FYB2: variants seen among roughly 807,000 people sequenced by gnomAD.
The protein encoded by FYB2 is FYN binding protein 2, also known as FYN-binding protein 2.
In FYB2, 103 loss-of-function variants were observed where a neutral mutation model predicts 94.1. That is an observed-to-expected ratio of 1.09 (90% confidence interval 0.93 to 1.29). FYB2 has a LOEUF of 1.29. Ranked by LOEUF, FYB2 falls within the 50% of genes most tolerant of loss-of-function variation. The pLI is 0.00. For missense variants in FYB2, 896 were observed against 841.5 expected (o/e 1.06, Z -0.80); for synonymous variants, 293 against 287.9 (o/e 1.02, Z -0.18).
chr1:56,814,858 C>T (rs375220209), intron 1 of FYB2, among the ~76,000 whole-genome samples: 2 of 152,222 alleles, frequency 1.3e-5, no homozygotes, highest in East Asian at 1.9e-4. Flanking sequence ...TCCAAAATTG[C>T]TCTTGAAGCC....
intron 7 of FYB2, among the ~76,000 whole-genome samples, chr1:56,755,456 T>G (rs1188933683): frequency 6.6e-6 from 1 of 151,984 alleles, no homozygotes; most frequent in Non-Finnish European, 1.5e-5. Context: ...TAAATTGGGG[T>G]GAATCAATGA....
intron 1 of FYB2, among the ~76,000 whole-genome samples, chr1:56,799,876 A>G (rs1410156147): frequency 6.6e-6 from 1 of 152,220 alleles, no homozygotes; most frequent in Non-Finnish European, 1.5e-5. Flanking sequence ...CAAGGACTGC[A>G]GGTGCTCAAT....
At chr1:56,753,464 T>C (rs558490761) in intron 8 of FYB2, among the ~76,000 whole-genome samples, 1 of 152,234 alleles carries the variant, frequency 6.6e-6, no homozygotes, top group African/African-American at 2.4e-5. Context: ...ATGAGGTAAC[T>C]GAGCTCAGAG....
chr1:56,754,624 G>A (rs182259061), intron 7 of FYB2, among the ~76,000 whole-genome samples: 1 of 152,154 alleles, frequency 6.6e-6, no homozygotes, highest in East Asian at 1.9e-4. Context: ...GGAAAAGCTG[G>A]TTTTTGCACC....
At position 56,740,809 on chromosome 1, in the gene FYB2, C is replaced by T. The variant is rs1340971266; in HGVS notation, c.1605-14G>A. 6.5e-7 allele frequency: 1 copy of T among 1,542,854 alleles called. No individual in the cohort carries two copies. The highest frequency in any genetic ancestry group is 1.1e-5 in the South Asian group (1 of 86,990). On this transcript the variant is annotated splice_polypyrimidine_tract_variant and intron_variant, in intron 12 of 19. Coordinates refer to ENST00000343433, the MANE Select transcript of FYB2 (RefSeq NM_001004303.5). The stretch of plus-strand genomic sequence containing the variant: ...TTTCCATCTAAACTGAGAGGAATCA[C>T]AGGATATAAGTAACATGGCATTTAA...
chr1:56,778,903 C>T (rs1645945462), intron 4 of FYB2, among the ~76,000 whole-genome samples: 1 of 152,072 alleles, frequency 6.6e-6, no homozygotes, highest in Admixed American at 6.5e-5. Context: ...ATGGCGGGCA[C>T]ATAGTTGGAG....
At chr1:56,798,810 C>T (rs967904245) in intron 1 of FYB2, among the ~76,000 whole-genome samples, 6 of 152,274 alleles carry the variant, frequency 3.9e-5, no homozygotes, top group Admixed American at 3.9e-4. Flanking sequence ...TGTCCAAGGT[C>T]ACGCAGCAAG....
rs367773961 is a variant in FYB2 at position 56,752,257 on chromosome 1, GA to G, written c.1228-1055del. 2.8e-3 allele frequency among the ~76,000 whole-genome samples: 419 copies of G among 152,120 alleles called. 4 individuals are homozygous for G. Among genetic ancestry groups the G allele is most frequent in the African/African-American group, 9.8e-3 (408 of 41,524 alleles). Reference sequence around the variant, plus strand: ...CTTAACCATTAGGAGTCAGGCCAGGGAAAACCCTGATCACATTTACATTTCA... The same window carrying G: ...CTTAACCATTAGGAGTCAGGCCAGGGAAACCCTGATCACATTTACATTTCA... On this transcript the variant is annotated intron_variant, in intron 8 of 19. Coordinates refer to ENST00000343433, the MANE Select transcript of FYB2 (RefSeq NM_001004303.5).
At chr1:56,797,648 G>T (rs568726347) in intron 1 of FYB2, among the ~76,000 whole-genome samples, 1 of 152,122 alleles carries the variant, frequency 6.6e-6, no homozygotes, top group Non-Finnish European at 1.5e-5. Context: ...TGTGCTACGT[G>T]GTGGGTAGCA....
chr1:56,750,498 C>T (rs531839503), intron 9 of FYB2, among the ~76,000 whole-genome samples: 10 of 152,002 alleles, frequency 6.6e-5, no homozygotes, highest in African/African-American at 1.9e-4. Context: ...GCTAGGTGAA[C>T]CTCCTTTTCT....
intron 1 of FYB2, among the ~76,000 whole-genome samples, chr1:56,808,016 G>A (rs766496828): frequency 1.3e-5 from 2 of 152,088 alleles, no homozygotes; most frequent in Non-Finnish European, 1.5e-5. Context: ...ATTATTACTG[G>A]TGTTGTCAAA....
At position 56,779,237 on chromosome 1, in the gene FYB2, T is replaced by C. The variant is rs1403306463; in HGVS notation, c.953+7938A>G. Among the ~76,000 whole-genome samples the C allele has an allele frequency of 7.9e-5, 12 of 152,324 alleles. No individual in the cohort carries two copies. The East Asian group carries it at 2.3e-3, about 29-fold the overall frequency. ...GGGAAAAGTACAACATTTTTGAATT[T>C]TATTCCAAATATAAAATGGATGCTA... On this transcript the variant is annotated intron_variant, in intron 4 of 19. Transcript: ENST00000343433.
intron 4 of FYB2, among the ~76,000 whole-genome samples, chr1:56,770,866 ATAAAGG>A (rs1645737171): frequency 6.6e-6 from 1 of 152,194 alleles, no homozygotes; most frequent in Non-Finnish European, 1.5e-5. Context: ...TGAATAGCTT[ATAAAGG>A]TAAACTCCTA....
At chr1:56,735,399 G>A (rs1387975691) in intron 15 of FYB2, among the ~76,000 whole-genome samples, 2 of 152,122 alleles carry the variant, frequency 1.3e-5, no homozygotes, top group African/African-American at 4.8e-5. Flanking sequence ...ATATATGAAA[G>A]CTAAGAAAGG....
At chr1:56,814,872 AT>A (rs531521607) in intron 1 of FYB2, among the ~76,000 whole-genome samples, 18 of 152,276 alleles carry the variant, frequency 1.2e-4, no homozygotes, top group Admixed American at 1.0e-3. Flanking sequence ...TGAAGCCTAC[AT>A]GGGGTTTCAC....
chr1:56,789,690 C>T (rs1646217265), intron 2 of FYB2, among the ~76,000 whole-genome samples: 1 of 152,152 alleles, frequency 6.6e-6, no homozygotes, highest in Non-Finnish European at 1.5e-5. Flanking sequence ...ATTGTTAATA[C>T]CCTTACATCA....
At position 56,743,244 on chromosome 1, in the gene FYB2, T is replaced by A. The variant is rs531613165; in HGVS notation, c.1543+782A>T. Among the ~76,000 whole-genome samples, 300 of 152,204 alleles carry A rather than the reference T, an allele frequency of 2.0e-3. 1 individual carries two copies. The highest frequency in any genetic ancestry group is 3.7e-3 in the South Asian group (18 of 4,828). ...TTCATGAATTCCTTCATTCAACAGA[T>A]TTTTTTGAATATCTAACATGTACTT... is the stretch of plus-strand genomic sequence containing the variant. On this transcript the variant is annotated intron_variant, in intron 11 of 19. Coordinates refer to ENST00000343433, the MANE Select transcript of FYB2 (RefSeq NM_001004303.5).
intron 1 of FYB2, among the ~76,000 whole-genome samples, chr1:56,813,409 A>G (rs1341165422): frequency 6.6e-6 from 1 of 152,130 alleles, no homozygotes; most frequent in African/African-American, 2.4e-5. Context: ...TTATAAAACC[A>G]TCAGCTCTCA....
intron 5 of FYB2, among the ~76,000 whole-genome samples, chr1:56,767,272 GAGA>G (rs1203479594): frequency 1.3e-5 from 2 of 152,208 alleles, no homozygotes; most frequent in Non-Finnish European, 2.9e-5. Flanking sequence ...CTTTTTACAT[GAGA>G]AGGTCTCTTT....
Sources: allele counts gnomAD v4.1 joint callset (sites outside exome capture counted in the v4.1 genomes callset), GRCh38; gene constraint gnomAD v4.1.1; transcripts MANE v1.5; gene names NCBI Gene and HGNC (gene_info 2026-07-23, HGNC 2026-07-21).